MALT1: variants seen among roughly 807,000 people sequenced by gnomAD.
MALT1 encodes mucosa-associated lymphoid tissue lymphoma translocation protein 1.
Under a neutral mutation model 85.5 loss-of-function variants are expected in MALT1, and 36 were observed. The ratio of observed to expected loss-of-function variants is 0.42; its 90% CI spans 0.32 to 0.56. MALT1 has a LOEUF of 0.56. Ranked by LOEUF, MALT1 falls within the 20% of genes least tolerant of loss-of-function variation. The pLI is 0.10. For synonymous variants in MALT1, 359 were observed against 361.3 expected (o/e 0.99, Z 0.07); for missense variants, 716 against 981.6 (o/e 0.73, Z 3.62).
intron 14 of MALT1, 125 bp from the exon 15 acceptor site, chr18:58,744,213 T>C (rs988056623): frequency 3.7e-6 from 2 of 534,492 alleles, no homozygotes; most frequent in African/African-American, 3.9e-5. Flanking sequence ...TTTTAAATTG[T>C]ATGTGTTTAA....
intron 3 of MALT1, 63 bp downstream of exon 3, chr18:58,696,550 C>A (rs1568131790): frequency 8.4e-6 from 11 of 1,306,894 alleles, no homozygotes. Flanking sequence ...AATTAATTAA[C>A]ATTATCGTCC....
At chr18:58,689,933 C>T (rs891045673) in intron 2 of MALT1, among the ~76,000 whole-genome samples, 2 of 152,304 alleles carry the variant, frequency 1.3e-5, no homozygotes, top group South Asian at 4.1e-4. Flanking sequence ...CTTGGTGAGC[C>T]TGGAGAAGAG....
At chr18:58,724,578 T>C (rs896829524) in intron 10 of MALT1, among the ~76,000 whole-genome samples, 1 of 152,196 alleles carries the variant, frequency 6.6e-6, no homozygotes, top group Non-Finnish European at 1.5e-5. Context: ...ACTTCGTGAG[T>C]GCCAACATGA....
At chr18:58,706,323 A>C (rs1040089192) in intron 4 of MALT1, among the ~76,000 whole-genome samples, 1 of 151,970 alleles carries the variant, frequency 6.6e-6, no homozygotes, top group African/African-American at 2.4e-5. Flanking sequence ...TGCCCGGGTA[A>C]TTTTTGTATT....
rs115303739 is a variant in MALT1 at position 58,747,085 on chromosome 18, T to C, written c.2038-320T>C. On this transcript the variant is annotated intron_variant, in intron 16 of 16. Transcript: ENST00000649217. ...ATCTCTAATAATAGGGAAGGGTAAG[T>C]TTCCTAAGCTGCACTGCTTGGAAAA... Among the ~76,000 whole-genome samples, 632 of 152,318 alleles carry C rather than the reference T, an allele frequency of 4.1e-3. 2 individuals carry two copies. The highest frequency in any genetic ancestry group is 0.014 in the African/African-American group (587 of 41,560).
At chr18:58,695,681 G>A (rs11662853) in intron 2 of MALT1, among the ~76,000 whole-genome samples, 91,608 of 152,018 alleles carry the variant, frequency 0.6, 30,019 homozygotes, top group African/African-American at 0.88. Context: ...TGGGAAGTCC[G>A]TGATCAAAGA....
chr18:58,718,113 A>C (rs1423997168), intron 9 of MALT1, among the ~76,000 whole-genome samples: 1 of 152,196 alleles, frequency 6.6e-6, no homozygotes, highest in Non-Finnish European at 1.5e-5. Context: ...TGAAAATTTA[A>C]AACTGTAAGT....
At chr18:58,747,192 T>C (rs1049490332) in intron 16 of MALT1, among the ~76,000 whole-genome samples, 1 of 152,316 alleles carries the variant, frequency 6.6e-6, no homozygotes, top group Middle Eastern at 3.4e-3. Context: ...AAATTCTAAA[T>C]GGGTTGTAAG....
chr18:58,708,824 C>T (rs1265825109), intron 4 of MALT1, among the ~76,000 whole-genome samples: 2 of 152,170 alleles, frequency 1.3e-5, no homozygotes, highest in Non-Finnish European at 2.9e-5. Flanking sequence ...ATAAAATTGA[C>T]AAGCTCTTTG....
At chr18:58,680,480 A>G (rs1203140766) in intron 1 of MALT1, among the ~76,000 whole-genome samples, 2 of 152,080 alleles carry the variant, frequency 1.3e-5, no homozygotes, top group Admixed American at 6.5e-5. Flanking sequence ...ACCTTGTAAC[A>G]CTGATTGTTC....
At chr18:58,738,589 G>A (rs545210816) in intron 13 of MALT1, among the ~76,000 whole-genome samples, 7 of 139,454 alleles carry the variant, frequency 5.0e-5, no homozygotes, top group South Asian at 2.4e-4. Flanking sequence ...AGTGGTTGCC[G>A]AGTCTACACT....
intron 10 of MALT1, among the ~76,000 whole-genome samples, chr18:58,732,933 CAG>C (rs1240288746): frequency 2.0e-5 from 3 of 150,330 alleles, no homozygotes; most frequent in Admixed American, 6.6e-5. Context: ...TATTTTGAGA[CAG>C]AGTTTTGCTC....
At chr18:58,742,124 G>GC (rs1568155895) in intron 14 of MALT1, 110 bp downstream of exon 14, 2 of 797,202 alleles carry the variant, frequency 2.5e-6, no homozygotes, top group Admixed American at 7.0e-5. Flanking sequence ...AAATATTTTG[G>GC]CCTACTAGGC....
intron 4 of MALT1, among the ~76,000 whole-genome samples, chr18:58,706,636 T>C (rs1360759786): frequency 6.6e-6 from 1 of 152,240 alleles, no homozygotes; most frequent in Non-Finnish European, 1.5e-5. Flanking sequence ...TAATAATTTG[T>C]AAAAATTATT....
At chr18:58,714,319 T>A (rs777345977) in intron 8 of MALT1, among the ~76,000 whole-genome samples, 2 of 152,070 alleles carry the variant, frequency 1.3e-5, no homozygotes, top group Non-Finnish European at 1.5e-5. Context: ...ACTGTAAGGG[T>A]AGAAAAGAAG....
At position 58,727,957 on chromosome 18, in the gene MALT1, G is replaced by A. The variant is rs2055088053; in HGVS notation, c.1222+4706G>A. 1.1e-4 allele frequency among the ~76,000 whole-genome samples: 16 copies of A among 152,100 alleles called. No homozygotes were observed. In the South Asian group the frequency reaches 3.1e-3, roughly 30 times the overall value. On this transcript the variant is annotated intron_variant, in intron 10 of 16. Transcript: ENST00000649217. ...GGCAATGTAACTAGTGACCTTTCTT[G>A]GAACCGTGCCTGGCACATAGTAAGT...
intron 9 of MALT1, among the ~76,000 whole-genome samples, chr18:58,716,753 T>C (rs2054905978): frequency 6.6e-6 from 1 of 152,196 alleles, no homozygotes; most frequent in Non-Finnish European, 1.5e-5. Flanking sequence ...ATAGGGCATA[T>C]ATTCAAAGTG....
chr18:58,742,691 C>T (rs1017254845), intron 14 of MALT1, among the ~76,000 whole-genome samples: 5 of 152,086 alleles, frequency 3.3e-5, no homozygotes, highest in Admixed American at 6.6e-5. Context: ...CCAGTCTGGG[C>T]GACAGAGCGA....
intron 2 of MALT1, among the ~76,000 whole-genome samples, chr18:58,692,452 C>CTCTCTCTCTCTCTCTCTCTCTCT: frequency 7.1e-6 from 1 of 141,078 alleles, no homozygotes; most frequent in East Asian, 2.4e-4. Context: ...CTCCCTCCCT[C>CTCTCTCTCTCTCTCTCTCTCTCT]CCTCCCTCCC....
Sources: allele counts gnomAD v4.1 joint callset (sites outside exome capture counted in the v4.1 genomes callset), GRCh38; gene constraint gnomAD v4.1.1; transcripts MANE v1.5; gene names NCBI Gene and HGNC (gene_info 2026-07-23, HGNC 2026-07-21).